Variants in LMTK2 observed in about 807,000 individuals in gnomAD.
LMTK2 encodes the protein lemur tail kinase 2, also known as serine/threonine-protein kinase LMTK2.
Under a neutral mutation model 127.5 loss-of-function variants are expected in LMTK2, and 37 were observed. The observed-to-expected ratio is 0.29, with a 90% CI of 0.22 to 0.38. The LOEUF (loss-of-function observed/expected upper bound fraction) is 0.38. Among genes scored for constraint, LMTK2 ranks in the 10% least tolerant of loss-of-function variants. The pLI is 1.00. For synonymous variants in LMTK2, 819 were observed against 810.1 expected (o/e 1.01, Z -0.19); for missense variants, 1,694 against 1,920.3 (o/e 0.88, Z 2.20).
In LMTK2 at chr7:98,107,220, C is replaced by T. The variant is rs1405797578; in HGVS notation, c.43C>T (p.Leu15=). 1 of 1,464,050 alleles carries T rather than the reference C, an allele frequency of 6.8e-7. No homozygotes were observed. The highest frequency in any genetic ancestry group is 2.5e-5 in the Admixed American group (1 of 40,074). The allele number at this position is 1,464,050 out of a possible 1,614,324, so 90.7% of individuals were successfully genotyped here. The change falls in exon 1 of 14, where the codon CTG becomes TTG. Residue 15 remains leucine (L), a synonymous_variant. Transcript: ENST00000297293. ...GTTGCGGCGGAGGCTGCTGCTGCTG[C>T]TGCTGGTCCTCCTGATCGCCGGCAG... is the stretch of plus-strand genomic sequence containing the variant. The part of the protein sequence containing the change: ...PALRRRLLLL[L]LVLLIAGSAG...
intron 6 of LMTK2, among the ~76,000 whole-genome samples, chr7:98,168,136 T>G (rs953682031): frequency 1.3e-5 from 2 of 151,250 alleles, no homozygotes; most frequent in Non-Finnish European, 3.0e-5. Flanking sequence ...TTCTGAGGAG[T>G]TTAACTACGG....
chr7:98,184,732 GA>G (rs753353690), intron 7 of LMTK2, among the ~76,000 whole-genome samples: 4 of 149,900 alleles, frequency 2.7e-5, no homozygotes, highest in East Asian at 3.9e-4. Flanking sequence ...AATTGAATGA[GA>G]AAAAAAAAGA....
intron 1 of LMTK2, among the ~76,000 whole-genome samples, chr7:98,125,902 G>A (rs185257969): frequency 5.3e-5 from 8 of 152,254 alleles, no homozygotes; most frequent in South Asian, 2.1e-4. Flanking sequence ...CCCCATACCC[G>A]GGCCCAGCCG....
At chr7:98,200,334 A>G (rs2116479167) in intron 11 of LMTK2, among the ~76,000 whole-genome samples, 1 of 152,326 alleles carries the variant, frequency 6.6e-6, no homozygotes, top group African/African-American at 2.4e-5. Flanking sequence ...CATCAAACAC[A>G]TTCTAAGAAA....
intron 1 of LMTK2, among the ~76,000 whole-genome samples, chr7:98,132,820 A>G (rs994577621): frequency 1.3e-5 from 2 of 152,086 alleles, no homozygotes; most frequent in Non-Finnish European, 2.9e-5. Context: ...CTTCACAGAC[A>G]ACTCTTTAGT....
intron 1 of LMTK2, among the ~76,000 whole-genome samples, chr7:98,109,881 T>A (rs969151752): frequency 3.4e-4 from 52 of 151,500 alleles, no homozygotes; most frequent in African/African-American, 1.1e-3. Flanking sequence ...AGACCAAGTT[T>A]AAAAAAAAAC....
intron 1 of LMTK2, among the ~76,000 whole-genome samples, chr7:98,135,767 G>A (rs180864210): frequency 4.5e-4 from 69 of 152,216 alleles, no homozygotes; most frequent in Non-Finnish European, 2.9e-4. Flanking sequence ...CTAAAAATAA[G>A]ATGTAAAAAT....
At chr7:98,172,201 G>A (rs535250350) in intron 7 of LMTK2, among the ~76,000 whole-genome samples, 4 of 152,178 alleles carry the variant, frequency 2.6e-5, no homozygotes, top group Non-Finnish European at 5.9e-5. Flanking sequence ...GAGGCCCCCC[G>A]CTCCCGGGTG....
chr7:98,115,438 AAG>A (rs1164376664), intron 1 of LMTK2, among the ~76,000 whole-genome samples: 1 of 151,910 alleles, frequency 6.6e-6, no homozygotes, highest in African/African-American at 2.4e-5. Context: ...AGAAGAAAGA[AAG>A]AGAAGAAAAA....
chr7:98,192,892 T>C lies in LMTK2; in HGVS notation c.2427T>C (p.Ser809=), dbSNP rs1797554441. 1 of 1,614,038 alleles carries C rather than the reference T, an allele frequency of 6.2e-7. No individual in the cohort carries two copies. The highest frequency in any genetic ancestry group is 1.7e-5 in the Admixed American group (1 of 60,010). ...ACACTTTGAGCACCTCATTGCAGTC[T>C]TCCCCGGAAGTGCAGGTACCTCCTA... The part of the protein sequence containing the change: ...TGDTLSTSLQ[S]SPEVQVPPTS... The change falls in exon 11 of 14, where the codon TCT becomes TCC. Residue 809 remains serine, a synonymous_variant. Transcript: ENST00000297293.
Position 98,187,063 on chromosome 7 carries a change from AGT to A in LMTK2, c.998+66_998+67del, listed in dbSNP as rs1797446873. The A allele has an allele frequency of 1.4e-5, 21 of 1,473,626 alleles. 1 individual carries two copies. In the Admixed American group the frequency reaches 3.9e-4, roughly 27 times the overall value. 91.3% of individuals were successfully genotyped at this position (1,473,626 alleles called of 1,614,324 possible). A position where few individuals can be genotyped will look rare whatever the true frequency, so the allele number is the denominator to read the frequency against. On this transcript the variant is annotated intron_variant, in intron 9 of 13. Coordinates refer to ENST00000297293, the MANE Select transcript of LMTK2 (RefSeq NM_014916.4). ...CAAAGTCCTAACTTCTTCCTCTTTG[AGT>A]ACTTCCTTAAAGGAAAGTAGTTGTA...
intron 7 of LMTK2, among the ~76,000 whole-genome samples, chr7:98,177,771 A>G (rs1207809016): frequency 6.6e-6 from 1 of 152,280 alleles, no homozygotes; most frequent in Non-Finnish European, 1.5e-5. Flanking sequence ...AGATACACAC[A>G]GCAGGCACTC....
chr7:98,153,971 T>G (rs1341747844), intron 4 of LMTK2, among the ~76,000 whole-genome samples: 1 of 152,252 alleles, frequency 6.6e-6, no homozygotes, highest in East Asian at 1.9e-4. Context: ...TGGTTCTTAC[T>G]GTATTTTCAG....
At chr7:98,180,836 A>ATT (rs1797344221) in intron 7 of LMTK2, among the ~76,000 whole-genome samples, 1 of 152,222 alleles carries the variant, frequency 6.6e-6, no homozygotes, top group Non-Finnish European at 1.5e-5. Context: ...TGCTAATAGC[A>ATT]TTTTAGAGTT....
At chr7:98,204,334 A>AGCTGATGATGGGAGTTT in intron 13 of LMTK2, 148 bp downstream of exon 13, 2 of 1,073,150 alleles carry the variant, frequency 1.9e-6, no homozygotes, top group Non-Finnish European at 2.6e-6. Flanking sequence ...TAAAACTCCC[A>AGCTGATGATGGGAGTTT]TCATCAGCTG....
At position 98,192,552 on chromosome 7, in the gene LMTK2, G is replaced by A. The variant is rs139517411; in HGVS notation, c.2087G>A (p.Ser696Asn). The change falls in exon 11 of 14, where the codon AGT becomes AAT. Residue 696 changes from serine (S) to asparagine (N), a missense_variant. This residue lies in a region of LMTK2 where 527 missense variants were observed against 539.8 expected (regional missense o/e 0.98). Coordinates refer to ENST00000297293, the MANE Select transcript of LMTK2 (RefSeq NM_014916.4). ...GAAAAGCCCCGTAAGATTTTTGACA[G>A]TGAGCCTCTCTGCCTATCAGATAAT... is the stretch of plus-strand genomic sequence containing the variant. ...EKEKPRKIFD[S>N]EPLCLSDNLM... The A allele has an allele frequency of 3.8e-4, 614 of 1,612,892 alleles. 2 individuals are homozygous for A. In the African/African-American group the frequency reaches 7.1e-3, roughly 19 times the overall value.
At chr7:98,150,283 G>C (rs1796834319) in intron 3 of LMTK2, among the ~76,000 whole-genome samples, 1 of 151,082 alleles carries the variant, frequency 6.6e-6, no homozygotes, top group African/African-American at 2.4e-5. Context: ...ACTCCAGCCT[G>C]GGTGACAGAG....
chr7:98,208,108 CAAAA>C lies in LMTK2; in HGVS notation c.*2624_*2627del, dbSNP rs531938424. 7.4e-6 allele frequency: 1 copy of C among 135,552 alleles called. No individual in the cohort carries two copies. The highest frequency in any genetic ancestry group is 1.6e-5 in the Non-Finnish European group (1 of 62,522). 8.4% of individuals were successfully genotyped at this position (135,552 alleles called of 1,614,324 possible). A position where few individuals can be genotyped will look rare whatever the true frequency, so the allele number is the denominator to read the frequency against. Reference sequence around the variant, plus strand: ...CCTGGGTAACAGCCAGACCCTGTCTCAAAAAAAAAAACAATTTTTTTCATAACAT... The same window carrying C: ...CCTGGGTAACAGCCAGACCCTGTCTCAAAAAAACAATTTTTTTCATAACAT... On this transcript the variant is annotated 3_prime_UTR_variant, in exon 14 of 14. Coordinates refer to ENST00000297293, the MANE Select transcript of LMTK2 (RefSeq NM_014916.4).
intron 5 of LMTK2, among the ~76,000 whole-genome samples, chr7:98,157,938 A>G (rs1330691466): frequency 2.0e-5 from 3 of 152,162 alleles, no homozygotes; most frequent in Non-Finnish European, 2.9e-5. Flanking sequence ...CCCTGCACAC[A>G]CTTTATCACA....
Sources: gnomAD v4.1 joint callset for allele counts (sites outside exome capture counted in the v4.1 genomes callset) on GRCh38, gnomAD v4.1.1 for gene constraint, gnomAD v4.1.1 regional missense constraint, MANE v1.5 for transcripts, NCBI Gene and HGNC (gene_info 2026-07-23, HGNC 2026-07-21) for gene names.